Variants in EYS observed in about 807,000 individuals in gnomAD.
EYS encodes the protein protein eyes shut homolog.
EYS carries 250 observed loss-of-function variants against 282.1 expected under a neutral mutation model. That is an observed-to-expected ratio of 0.89 (90% CI 0.80 to 0.98). EYS has a LOEUF of 0.98. Among genes scored for constraint, EYS ranks in the 50% least tolerant of loss-of-function variants. EYS has a pLI of 0.00. For synonymous variants in EYS, 1,355 were observed against 1,282.9 expected, an observed-to-expected ratio of 1.06 and a Z score of -1.20; for missense variants, 4,016 against 3,709.0, an observed-to-expected ratio of 1.08 and a Z score of -2.15.
intron 18 of EYS, 57 bp from the exon 19 acceptor site, chr6:64,886,899 T>G: frequency 1.0e-6 from 1 of 981,584 alleles, no homozygotes; most frequent in East Asian, 3.0e-5. Flanking sequence ...TCATTTATTA[T>G]ATATGATTCA....
At chr6:65,696,534 T>C (rs778391833) in intron 1 of EYS, among the ~76,000 whole-genome samples, 1 of 151,984 alleles carries the variant, frequency 6.6e-6, no homozygotes, top group African/African-American at 2.4e-5. Context: ...TACAAACCTC[T>C]TTCTCTGTTT....
At chr6:64,287,417 C>T (rs917571034) in intron 30 of EYS, among the ~76,000 whole-genome samples, 3 of 152,044 alleles carry the variant, frequency 2.0e-5, no homozygotes, top group South Asian at 4.1e-4. Flanking sequence ...AAAATGAGTA[C>T]AAAATATACA....
At chr6:64,209,112 T>A (rs992617372) in intron 31 of EYS, among the ~76,000 whole-genome samples, 25 of 152,126 alleles carry the variant, frequency 1.6e-4, no homozygotes, top group African/African-American at 5.8e-4. Context: ...ACCAAGGAAA[T>A]GAAATTGTGC....
chr6:64,308,716 T>C (rs1769553366), intron 29 of EYS, among the ~76,000 whole-genome samples: 1 of 152,056 alleles, frequency 6.6e-6, no homozygotes, highest in Admixed American at 6.6e-5. Flanking sequence ...TTTTAAATCA[T>C]AGTTTAGAAC....
Position 64,065,675 on chromosome 6 carries a change from A to G in EYS, c.6725+663T>C, listed in dbSNP as rs79432537. 3.6e-3 allele frequency among the ~76,000 whole-genome samples: 554 copies of G among 152,262 alleles called. 5 individuals are homozygous for G. The highest frequency in any genetic ancestry group is 6.2e-3 in the Non-Finnish European group (420 of 68,004). ...AATTCCTAGCAGCTGTACTCCATAG[A>G]TATTTTGTTGAACAATAAAACTGGA... On this transcript the variant is annotated intron_variant, in intron 33 of 42. Transcript: ENST00000503581.
chr6:65,229,725 G>GA (rs1401596440), intron 12 of EYS, among the ~76,000 whole-genome samples: 1 of 151,846 alleles, frequency 6.6e-6, no homozygotes, highest in African/African-American at 2.4e-5. Context: ...GAAGAAAAGT[G>GA]AAAAAACATA....
At chr6:64,972,486 TCCTCCTCTTCCTCACTCTAGCCAATC>T (rs1303506182) in intron 14 of EYS, among the ~76,000 whole-genome samples, 1 of 152,152 alleles carries the variant, frequency 6.6e-6, no homozygotes, top group South Asian at 2.1e-4. Context: ...TCCCTCCTGT[TCCTCCTCTTCCTCACTCTAGCCAATC>T]CCTCCTCTTC....
intron 12 of EYS, among the ~76,000 whole-genome samples, chr6:65,206,615 A>T (rs1472005851): frequency 6.6e-6 from 1 of 151,816 alleles, no homozygotes; most frequent in Non-Finnish European, 1.5e-5. Context: ...ACGAACATGG[A>T]TGTAAAAATC....
At chr6:64,105,428 C>T (rs1360141628) in intron 31 of EYS, among the ~76,000 whole-genome samples, 1 of 152,076 alleles carries the variant, frequency 6.6e-6, no homozygotes, top group East Asian at 1.9e-4. Flanking sequence ...TTGTTACAAT[C>T]CATGAACCTA....
chr6:64,385,044 C>T (rs1042994122), intron 29 of EYS, among the ~76,000 whole-genome samples: 4 of 152,014 alleles, frequency 2.6e-5, no homozygotes, highest in Admixed American at 6.6e-5. Context: ...TATTACAAAC[C>T]TGTTGTTTTT....
At chr6:65,545,453 T>G (rs1195639301) in intron 2 of EYS, among the ~76,000 whole-genome samples, 1 of 152,116 alleles carries the variant, frequency 6.6e-6, no homozygotes, top group Non-Finnish European at 1.5e-5. Flanking sequence ...GGCAATGATC[T>G]CAAAATTGAA....
chr6:64,583,281 C>A (rs546453753), intron 26 of EYS, among the ~76,000 whole-genome samples: 2 of 151,918 alleles, frequency 1.3e-5, no homozygotes, highest in East Asian at 1.9e-4. Context: ...AGTTTGAAAA[C>A]CCTGGGACAT....
chr6:65,671,558 C>T (rs1273143298), intron 1 of EYS, among the ~76,000 whole-genome samples: 1 of 152,026 alleles, frequency 6.6e-6, no homozygotes, highest in African/African-American at 2.4e-5. Context: ...AATTTTGTTC[C>T]TTGTTGCAGG....
chr6:64,781,412 A>G (rs1293741995), intron 22 of EYS, among the ~76,000 whole-genome samples: 3 of 151,938 alleles, frequency 2.0e-5, no homozygotes, highest in Admixed American at 1.3e-4. Context: ...CTCCTATAAG[A>G]TATATGAAAT....
At chr6:65,498,127 T>C (rs1766318889) in intron 2 of EYS, among the ~76,000 whole-genome samples, 1 of 151,946 alleles carries the variant, frequency 6.6e-6, no homozygotes, top group Admixed American at 6.6e-5. Flanking sequence ...GGAAGACCAG[T>C]TGGAGCAGTA....
chr6:64,504,617 A>T (rs976800086), intron 26 of EYS, among the ~76,000 whole-genome samples: 2 of 152,194 alleles, frequency 1.3e-5, no homozygotes, highest in African/African-American at 4.8e-5. Flanking sequence ...GGAAGACTGG[A>T]GACTCAGGAA....
intron 22 of EYS, among the ~76,000 whole-genome samples, chr6:64,673,285 A>G (rs973486946): frequency 9.9e-5 from 15 of 152,118 alleles, no homozygotes; most frequent in Admixed American, 7.2e-4. Context: ...AATTATTTTG[A>G]TAAGACATAT....
chr6:65,092,298 G>A (rs1368471964), intron 12 of EYS, among the ~76,000 whole-genome samples: 2 of 152,058 alleles, frequency 1.3e-5, no homozygotes, highest in Admixed American at 6.6e-5. Flanking sequence ...TGTAGAAGTG[G>A]TCTAACAATG....
intron 14 of EYS, among the ~76,000 whole-genome samples, chr6:64,959,049 C>T (rs1769824554): frequency 6.6e-6 from 1 of 152,062 alleles, no homozygotes; most frequent in Admixed American, 6.6e-5. Context: ...TGATAGACTA[C>T]CTGCTTTGCA....
Sources: allele counts gnomAD v4.1 joint callset (sites outside exome capture counted in the v4.1 genomes callset), GRCh38; gene constraint gnomAD v4.1.1; transcripts MANE v1.5; gene names NCBI Gene and HGNC (gene_info 2026-07-23, HGNC 2026-07-21).